GALNT15: variants seen among roughly 807,000 people sequenced by gnomAD.
GALNT15 encodes the protein polypeptide N-acetylgalactosaminyltransferase 15, also known as UDP-GalNAc transferase T15.
Under a neutral mutation model 66.8 loss-of-function variants are expected in GALNT15, and 67 were observed. The observed-to-expected ratio is 1.00, with a 90% CI of 0.82 to 1.23. GALNT15 has a LOEUF of 1.23. Among genes scored for constraint, GALNT15 ranks in the 50% most tolerant of loss-of-function variants. GALNT15 has a pLI of 0.00. For synonymous variants in GALNT15, 313 were observed against 311.5 expected (o/e 1.00, Z -0.05); for missense variants, 827 against 804.3 (o/e 1.03, Z -0.34).
At chr3:16,179,026 C>A (rs1038850694) in intron 1 of GALNT15, among the ~76,000 whole-genome samples, 19 of 152,172 alleles carry the variant, frequency 1.2e-4, no homozygotes, top group African/African-American at 4.3e-4. Context: ...CCTTTAGAGT[C>A]ATTTCTGGAG....
At chr3:16,206,491 G>A (rs1301827494) in intron 3 of GALNT15, among the ~76,000 whole-genome samples, 3 of 151,528 alleles carry the variant, frequency 2.0e-5, no homozygotes, top group Non-Finnish European at 4.4e-5. Flanking sequence ...TGGCTAACAC[G>A]GTGAAAACCC....
At chr3:16,205,256 G>A (rs1574984636) in intron 3 of GALNT15, among the ~76,000 whole-genome samples, 1 of 152,202 alleles carries the variant, frequency 6.6e-6, no homozygotes, top group Admixed American at 6.5e-5. Flanking sequence ...AAAATGGCTT[G>A]TGTATCATGG....
chr3:16,218,809 TC>T lies in GALNT15; in HGVS notation c.1393-593del, dbSNP rs1187527250. Among the ~76,000 whole-genome samples the T allele has an allele frequency of 1.8e-3, 212 of 116,924 alleles. 1 individual carries two copies. The highest frequency in any genetic ancestry group is 4.0e-3 in the Admixed American group (46 of 11,420). The allele number at this position is 116,924 out of a possible 152,430, so 76.7% of individuals were successfully genotyped here. A position where few individuals can be genotyped will look rare whatever the true frequency, so the allele number is the denominator to read the frequency against. On this transcript the variant is annotated intron_variant, in intron 6 of 9. Coordinates refer to ENST00000339732, the MANE Select transcript of GALNT15 (RefSeq NM_054110.5). ...AGATATCATAGACTCTCTCTCTCTC[TC>T]TTTTTTTTTTTTTTTTTTTTTTGCG... is the stretch of plus-strand genomic sequence containing the variant.
At chr3:16,206,171 A>G (rs1236506068) in intron 3 of GALNT15, among the ~76,000 whole-genome samples, 1 of 151,862 alleles carries the variant, frequency 6.6e-6, no homozygotes, top group Non-Finnish European at 1.5e-5. Flanking sequence ...TGAGCTCAGG[A>G]GTTCGAGACT....
chr3:16,203,554 C>G lies in GALNT15; in HGVS notation c.911+2731C>G. Among the ~76,000 whole-genome samples the G allele has an allele frequency of 7.4e-6, 1 of 134,300 alleles. No homozygotes were observed. The highest frequency in any genetic ancestry group is 1.6e-5 in the Non-Finnish European group (1 of 60,696). 88.1% of individuals were successfully genotyped at this position (134,300 alleles called of 152,430 possible). Reference sequence around the variant, plus strand: ...TCTCTCTCTCTCTCTCACACACACACACACACACACACACACACACACACA... The same window carrying G: ...TCTCTCTCTCTCTCTCACACACACAGACACACACACACACACACACACACA... On this transcript the variant is annotated intron_variant, in intron 3 of 9. Coordinates refer to ENST00000339732, the MANE Select transcript of GALNT15 (RefSeq NM_054110.5). The surrounding 1 kb of genome is among the most constrained non-coding windows in gnomAD (Gnocchi z 6.2).
chr3:16,208,569 G>A lies in GALNT15; in HGVS notation c.978G>A (p.Lys326=), dbSNP rs780610574. The A allele has an allele frequency of 4.3e-6, 7 of 1,614,140 alleles. No homozygotes were observed. In the South Asian group the frequency reaches 7.7e-5, roughly 18 times the overall value. ...AGACTTTCCAGTATTACCCCTCAAA[G>A]GACCTGCAGCGTGGGGTGTTGGACT... ...DWKTFQYYPS[K]DLQRGVLDWK... The change falls in exon 4 of 10, where the codon AAG becomes AAA. Residue 326 remains lysine, a synonymous_variant. Coordinates refer to ENST00000339732, the MANE Select transcript of GALNT15 (RefSeq NM_054110.5).
chr3:16,216,489 ACT>A (rs916964667), intron 6 of GALNT15, among the ~76,000 whole-genome samples: 4 of 119,934 alleles, frequency 3.3e-5, no homozygotes, highest in Non-Finnish European at 5.1e-5. Flanking sequence ...CCAGAGCAAG[ACT>A]CTGTCTCGGG....
the GALNT15 span, among the ~76,000 whole-genome samples, chr3:16,239,235 G>A: frequency 6.6e-6 from 1 of 152,200 alleles, no homozygotes; most frequent in African/African-American, 2.4e-5. The surrounding 1 kb of genome is among the most constrained non-coding windows in gnomAD (Gnocchi z 5.2). Flanking sequence ...AGCAAGGGTG[G>A]CTGGGACAGT....
At chr3:16,201,355 G>A (rs977537001) in intron 3 of GALNT15, among the ~76,000 whole-genome samples, 1 of 151,794 alleles carries the variant, frequency 6.6e-6, no homozygotes, top group African/African-American at 2.4e-5. Flanking sequence ...CTAATTTTTT[G>A]TATTTTTAGT....
intron 3 of GALNT15, among the ~76,000 whole-genome samples, chr3:16,201,093 G>T (rs2063695714): frequency 6.6e-6 from 1 of 152,194 alleles, no homozygotes; most frequent in East Asian, 1.9e-4. Flanking sequence ...ACTTAAAATT[G>T]TATTAAATTG....
At position 16,199,632 on chromosome 3, in the gene GALNT15, G is replaced by C. The variant is rs138167348; in HGVS notation, c.707-987G>C. Among the ~76,000 whole-genome samples, 19 of 99,560 alleles carry C rather than the reference G, an allele frequency of 1.9e-4. 4 individuals carry two copies. Among genetic ancestry groups the C allele is most frequent in the African/African-American group, 7.1e-4 (19 of 26,658 alleles). The allele number at this position is 99,560 out of a possible 152,430, so 65.3% of individuals were successfully genotyped here. ...AGGGGAGTGAGTGATACAGAAGAGA[G>C]AGAGGGAAGAGCTGAACAAATATGT... On this transcript the variant is annotated intron_variant, in intron 2 of 9. Coordinates refer to ENST00000339732, the MANE Select transcript of GALNT15 (RefSeq NM_054110.5).
In GALNT15 at chr3:16,230,042, A is replaced by G. The variant is rs2064066990; in HGVS notation, c.*2542A>G. Among the ~76,000 whole-genome samples, 2 of 152,222 alleles carry G rather than the reference A, an allele frequency of 1.3e-5. No individual in the cohort carries two copies. The highest frequency in any genetic ancestry group is 1.3e-4 in the Admixed American group (2 of 15,274). On this transcript the variant is annotated 3_prime_UTR_variant, in exon 10 of 10. Transcript: ENST00000339732. The surrounding 1 kb of genome is among the most constrained non-coding windows in gnomAD (Gnocchi z 4.5). ...CATTTTATCCATAATGATCAATTTA[A>G]AAGTAGAGAAACTTGTCAGTTGAGA...
At position 16,189,468 on chromosome 3, in the gene GALNT15, A is replaced by G. The variant is rs1001965607; in HGVS notation, c.540-6292A>G. On this transcript the variant is annotated intron_variant, in intron 1 of 9. Transcript: ENST00000339732. The surrounding 1 kb of genome is among the most constrained non-coding windows in gnomAD (Gnocchi z 5.1). ...AGAATACCAGCCCAGTTCCTCTGCTATGTTGAAGGACATCCTCAGAGACAT... is the reference window on the plus strand; with the variant it reads ...AGAATACCAGCCCAGTTCCTCTGCTGTGTTGAAGGACATCCTCAGAGACAT... Among the ~76,000 whole-genome samples the G allele has an allele frequency of 1.3e-5, 2 of 152,238 alleles. No individual in the cohort carries two copies. Among genetic ancestry groups the G allele is most frequent in the African/African-American group, 4.8e-5 (2 of 41,460 alleles).
chr3:16,181,848 G>A lies in GALNT15; in HGVS notation c.539+6158G>A, dbSNP rs1402088788. On this transcript the variant is annotated intron_variant, in intron 1 of 9. Transcript: ENST00000339732. This position sits in a 1 kb window ranked among gnomAD's most constrained non-coding sequence, Gnocchi z 5.9. Reference sequence around the variant, plus strand: ...GGGCCTGGCTGTCCAAGTCGTGAAGGGATGCCACAAACACCAACCTTCCAG... The same window carrying A: ...GGGCCTGGCTGTCCAAGTCGTGAAGAGATGCCACAAACACCAACCTTCCAG... 6.6e-6 allele frequency among the ~76,000 whole-genome samples: 1 copy of A among 152,128 alleles called. No individual in the cohort carries two copies. Among genetic ancestry groups the A allele is most frequent in the Admixed American group, 6.5e-5 (1 of 15,274 alleles).
the GALNT15 span, among the ~76,000 whole-genome samples, chr3:16,246,885 G>A: frequency 6.6e-6 from 1 of 152,092 alleles, no homozygotes; most frequent in Non-Finnish European, 1.5e-5. Context: ...GAGTTGTGAG[G>A]CCTATGGCTT....
Position 16,227,358 on chromosome 3 carries a change from G to GGAT in GALNT15, c.1782_1784dup (p.Met594dup). The GGAT allele has an allele frequency of 6.2e-7, 1 of 1,612,000 alleles. No homozygotes were observed. The highest frequency in any genetic ancestry group is 8.5e-7 in the Non-Finnish European group (1 of 1,179,398). Reference sequence around the variant, plus strand: ...TTTTTTCCTTTCTCTTTTTAGAATGGGATGATTGTCCACATTCTTTCTGGG... The same window carrying GGAT: ...TTTTTTCCTTTCTCTTTTTAGAATGGGATGATGATTGTCCACATTCTTTCTGGG... On this transcript the variant is annotated inframe_insertion, in exon 10 of 10. Transcript: ENST00000339732. This position sits in a 1 kb window ranked among gnomAD's most constrained non-coding sequence, Gnocchi z 4.5.
intron 1 of GALNT15, among the ~76,000 whole-genome samples, chr3:16,190,381 G>T (rs1407026525): frequency 6.6e-6 from 1 of 152,208 alleles, no homozygotes; most frequent in Non-Finnish European, 1.5e-5. Context: ...GCTGACGCCT[G>T]TAATCCCAGC....
chr3:16,229,162 G>T lies in GALNT15; in HGVS notation c.*1662G>T, dbSNP rs1313192535. 2 of 985,252 alleles carry T rather than the reference G, an allele frequency of 2.0e-6. No homozygotes were observed. Among genetic ancestry groups the T allele is most frequent in the Non-Finnish European group, 2.4e-6 (2 of 829,910 alleles). 61.0% of individuals were successfully genotyped at this position (985,252 alleles called of 1,614,324 possible). On this transcript the variant is annotated 3_prime_UTR_variant, in exon 10 of 10. Coordinates refer to ENST00000339732, the MANE Select transcript of GALNT15 (RefSeq NM_054110.5). Reference sequence around the variant, plus strand: ...CCTTCAAATAAGAAAAACTGAGTGGGAAGTGCAGTGTTTCCAAACAATACC... The same window carrying T: ...CCTTCAAATAAGAAAAACTGAGTGGTAAGTGCAGTGTTTCCAAACAATACC...
rs535669941 is a variant in GALNT15, at chr3:16,205,463, T to C, written c.912-3040T>C. On this transcript the variant is annotated intron_variant, in intron 3 of 9. Transcript: ENST00000339732. ...GGCAGCTTGACTCCTTCTGTTTGCCTTTTGAAACATAAGCACTTGATCTCC... is the reference window on the plus strand; with the variant it reads ...GGCAGCTTGACTCCTTCTGTTTGCCCTTTGAAACATAAGCACTTGATCTCC... Among the ~76,000 whole-genome samples the C allele has an allele frequency of 4.0e-3, 614 of 152,328 alleles. 4 individuals carry two copies. Among genetic ancestry groups the C allele is most frequent in the Admixed American group, 8.3e-3 (127 of 15,308 alleles).
Sources: allele counts gnomAD v4.1 joint callset (sites outside exome capture counted in the v4.1 genomes callset), GRCh38; gene constraint gnomAD v4.1.1; non-coding constraint Gnocchi (gnomAD v3.1); transcripts MANE v1.5; gene names NCBI Gene and HGNC (gene_info 2026-07-23, HGNC 2026-07-21).